Variants in PNCK observed in about 807,000 individuals in gnomAD.
PNCK encodes pregnancy up-regulated nonubiquitous CaM kinase.
Under a neutral mutation model 28.3 loss-of-function variants are expected in PNCK, and 21 were observed. The observed-to-expected ratio is 0.74, with a 90% CI of 0.53 to 1.07. The LOEUF is 1.07. PNCK is among the 50% of genes least tolerant of loss of function. PNCK has a pLI of 0.00. For missense variants in PNCK, 250 were observed against 298.3 expected, an observed-to-expected ratio of 0.84 and a Z score of 1.19; for synonymous variants, 136 against 125.2, an observed-to-expected ratio of 1.09 and a Z score of -0.58.
intron 1 of PNCK, among the ~76,000 whole-genome samples, chrX:153,681,846 A>G (rs2091396819): frequency 8.9e-6 from 1 of 111,777 alleles, no homozygotes; most frequent in African/African-American, 3.3e-5. Context: ...TGTACATCTA[A>G]AACTAGTCTA....
At chrX:153,677,168 C>T (rs903751584), upstream of PNCK, among the ~76,000 whole-genome samples, 2 of 111,474 alleles carry the variant, frequency 1.8e-5, no homozygotes, top group Non-Finnish European at 3.8e-5. Flanking sequence ...GAACTCCTGA[C>T]CTCAGATGAT....
intron 6 of PNCK, 61 bp downstream of exon 6, chrX:153,671,488 G>T: frequency 5.0e-6 from 6 of 1,210,350 alleles, no homozygotes; most frequent in Non-Finnish European, 6.7e-6. Context: ...CAGCCTTCCC[G>T]GCTGTCTAGG....
At chrX:153,672,934 C>A (rs890669810) in intron 2 of PNCK, 75 bp downstream of exon 2, 12 of 1,086,883 alleles carry the variant, frequency 1.1e-5, no homozygotes, top group Non-Finnish European at 1.5e-5. Flanking sequence ...TAGTCACACA[C>A]ACATGCCATC....
At chrX:153,686,431 A>T (rs2091419982) in intron 1 of PNCK, 1 of 110,372 alleles carries the variant, frequency 9.1e-6, no homozygotes, top group Non-Finnish European at 1.9e-5. Context: ...CCCCCAGGTC[A>T]CCGTCCTCCC....
At chrX:153,687,522 G>C in exon 1 of PNCK, 1 of 326,650 alleles carries the variant, frequency 3.1e-6, no homozygotes, top group Non-Finnish European at 5.9e-6. Flanking sequence ...AGGAAGGAGG[G>C]AGCACCGGGA....
upstream of PNCK, chrX:153,673,908 G>T: frequency 1.1e-6 from 1 of 938,685 alleles, no homozygotes; most frequent in Non-Finnish European, 1.3e-6. Flanking sequence ...GGCCCAGCGC[G>T]GCCGCGGCGC....
At chrX:153,679,258 G>A (rs1557042140), upstream of PNCK, among the ~76,000 whole-genome samples, 1 of 110,407 alleles carries the variant, frequency 9.1e-6, no homozygotes, top group East Asian at 2.8e-4. Context: ...ACTGCCAACC[G>A]CTTTTCAGGG....
intron 3 of PNCK, 135 bp from the exon 4 acceptor site, chrX:153,672,335 C>A: frequency 1.2e-6 from 1 of 850,868 alleles, no homozygotes; most frequent in South Asian, 2.6e-5. Flanking sequence ...CACCCCTGCC[C>A]GGTCCAGGAA....
chrX:153,675,419 C>T (rs1379941113), upstream of PNCK, among the ~76,000 whole-genome samples: 1 of 112,211 alleles, frequency 8.9e-6, no homozygotes, highest in Non-Finnish European at 1.9e-5. Flanking sequence ...AAAGACGAGC[C>T]AGCGGGCAGG....
intron 3 of PNCK, 49 bp downstream of exon 3, chrX:153,672,517 A>AC (rs782169409): frequency 8.7e-5 from 103 of 1,180,140 alleles, no homozygotes; most frequent in Middle Eastern, 2.9e-4. Flanking sequence ...GACTGCTTGC[A>AC]CCCCCCCATC....
At chrX:153,687,417 C>G (rs2091425848) in intron 1 of PNCK, 9 of 326,634 alleles carry the variant, frequency 2.8e-5, no homozygotes, top group Admixed American at 2.5e-4. Flanking sequence ...TGTGGAGACA[C>G]AGAGGCCTGT....
In PNCK at chrX:153,671,911, T is replaced by C; in HGVS notation, c.383A>G (p.His128Arg). Residue 128 changes from histidine to arginine, a missense_variant, in exon 5 of 12, where the codon CAC (histidine) becomes CGC (arginine). Coordinates refer to ENST00000340888, the MANE Select transcript of PNCK (RefSeq NM_001366977.1). ...GTCCCGGTGCACGATCCCCAGGCTGTGCAGGTAGGAGACGGCGCCAAGGAC... is the reference window on the plus strand; with the variant it reads ...GTCCCGGTGCACGATCCCCAGGCTGCGCAGGTAGGAGACGGCGCCAAGGAC... The part of the protein sequence containing the change: ...GQVLGAVSYL[H>R]SLGIVHRDLK... 8.3e-7 allele frequency: 1 copy of C among 1,209,374 alleles called. No individual in the cohort carries two copies.
chrX:153,673,506 C>T (rs2091339734), intron 1 of PNCK: 2 of 402,506 alleles, frequency 5.0e-6, no homozygotes, highest in Middle Eastern at 6.8e-4. Context: ...ACCAAGCCGC[C>T]CGGGATGCAC....
At chrX:153,677,713 TA>T (rs1557041896), upstream of PNCK, among the ~76,000 whole-genome samples, 13 of 97,713 alleles carry the variant, frequency 1.3e-4, no homozygotes, top group African/African-American at 5.0e-4. Context: ...TGTATATATA[TA>T]GTGCATATAT....
In PNCK at chrX:153,671,413, G is replaced by A. The variant is rs376399747; in HGVS notation, c.539-53C>T. The A allele has an allele frequency of 1.0e-4, 122 of 1,210,291 alleles. No homozygotes were observed. The African/African-American group carries it at 1.4e-3, about 14-fold the overall frequency. On this transcript the variant is annotated intron_variant, in intron 6 of 11. Coordinates refer to ENST00000340888, the MANE Select transcript of PNCK (RefSeq NM_001366977.1). ...GCACAGGCACACACGCAGCCATGCC[G>A]CTCAGTGTCACTGGCTCGGCCTACT...
chrX:153,687,322 C>T (rs1213328147), intron 1 of PNCK: 1 of 304,150 alleles, frequency 3.3e-6, no homozygotes, highest in African/African-American at 2.7e-5. Flanking sequence ...TGGGGGCCGC[C>T]GGGGTCATTT....
At chrX:153,681,521 C>T (rs1557042485) in intron 1 of PNCK, among the ~76,000 whole-genome samples, 1 of 111,621 alleles carries the variant, frequency 9.0e-6, no homozygotes, top group Non-Finnish European at 1.9e-5. Context: ...CAACACACTG[C>T]CCAGTCCTCC....
chrX:153,683,244 G>T (rs184124017), intron 1 of PNCK, among the ~76,000 whole-genome samples: 1 of 111,568 alleles, frequency 9.0e-6, no homozygotes, highest in Admixed American at 9.5e-5. Context: ...AGGTTCAAGC[G>T]ATTCTCCTGC....
upstream of PNCK, among the ~76,000 whole-genome samples, chrX:153,675,436 T>G (rs1480373407): frequency 4.5e-5 from 5 of 112,095 alleles, no homozygotes; most frequent in Non-Finnish European, 7.5e-5. Flanking sequence ...CAGGTATTGG[T>G]CCACGAGGTG....
Sources: gnomAD v4.1 joint callset for allele counts (sites outside exome capture counted in the v4.1 genomes callset) on GRCh38, gnomAD v4.1.1 for gene constraint, MANE v1.5 for transcripts, NCBI Gene and HGNC (gene_info 2026-07-23, HGNC 2026-07-21) for gene names.